Variants in MYO1D observed in about 807,000 individuals in gnomAD.
MYO1D encodes the protein unconventional myosin-Id.
A neutral mutation model predicts 122.0 loss-of-function variants in MYO1D; 83 were observed. The observed-to-expected ratio is 0.68, with a 90% confidence interval of 0.57 to 0.82. The LOEUF (loss-of-function observed/expected upper bound fraction) is 0.82, where lower values mean the gene tolerates loss of function less well. Ranked by LOEUF, MYO1D falls within the 40% of genes least tolerant of loss-of-function variation. The pLI is 0.00. For synonymous variants in MYO1D, 464 were observed against 446.9 expected (o/e 1.04, Z -0.48); for missense variants, 1,157 against 1,269.5 (o/e 0.91, Z 1.35).
intron 20 of MYO1D, among the ~76,000 whole-genome samples, chr17:32,611,886 A>C (rs1304958327): frequency 1.3e-5 from 2 of 152,222 alleles, no homozygotes; most frequent in African/African-American, 4.8e-5. Flanking sequence ...TCACAGGAGG[A>C]GATAAGTAAA....
intron 1 of MYO1D, among the ~76,000 whole-genome samples, chr17:32,826,937 T>G (rs1482367556): frequency 6.6e-6 from 1 of 152,198 alleles, no homozygotes; most frequent in East Asian, 1.9e-4. Context: ...CATGGGAATG[T>G]ATGTTAGGAA....
At chr17:32,713,028 T>C (rs1428565765) in intron 15 of MYO1D, among the ~76,000 whole-genome samples, 2 of 152,234 alleles carry the variant, frequency 1.3e-5, no homozygotes, top group African/African-American at 4.8e-5. Flanking sequence ...CACAGAGCTT[T>C]TTCCATCATG....
intron 14 of MYO1D, among the ~76,000 whole-genome samples, chr17:32,725,507 C>T (rs1475533312): frequency 4.1e-5 from 6 of 146,508 alleles, no homozygotes; most frequent in East Asian, 2.0e-4. Context: ...GGCAACAGAG[C>T]GAGACTCCAT....
intron 16 of MYO1D, among the ~76,000 whole-genome samples, chr17:32,665,163 C>T (rs1427210377): frequency 6.6e-6 from 1 of 152,176 alleles, no homozygotes; most frequent in African/African-American, 2.4e-5. Flanking sequence ...GGAGGCCAGC[C>T]CTGGCCTTCT....
intron 20 of MYO1D, among the ~76,000 whole-genome samples, chr17:32,636,612 T>G (rs567401803): frequency 1.8e-4 from 28 of 152,164 alleles, no homozygotes; most frequent in African/African-American, 6.7e-4. Context: ...CAGAGTTGAT[T>G]TGGGAGGTTC....
intron 1 of MYO1D, among the ~76,000 whole-genome samples, chr17:32,822,421 C>T (rs1453837313): frequency 1.3e-5 from 2 of 151,692 alleles, no homozygotes; most frequent in Non-Finnish European, 3.0e-5. Flanking sequence ...GCCGTCCGTC[C>T]GTTCGTCTTC....
intron 16 of MYO1D, among the ~76,000 whole-genome samples, chr17:32,699,860 C>A (rs1045811346): frequency 1.3e-5 from 2 of 152,114 alleles, no homozygotes; most frequent in East Asian, 1.9e-4. Context: ...ATAACATATA[C>A]CTTATTTCAC....
At chr17:32,579,729 A>T (rs922440749) in intron 21 of MYO1D, among the ~76,000 whole-genome samples, 1 of 152,204 alleles carries the variant, frequency 6.6e-6, no homozygotes, top group Non-Finnish European at 1.5e-5. Flanking sequence ...TGTATTTTCT[A>T]GAGTTGTATA....
At chr17:32,867,075 T>C (rs1567678412) in intron 1 of MYO1D, among the ~76,000 whole-genome samples, 1 of 152,196 alleles carries the variant, frequency 6.6e-6, no homozygotes. Flanking sequence ...CTTAAAAGAA[T>C]GGATTGTCTT....
intron 15 of MYO1D, among the ~76,000 whole-genome samples, chr17:32,720,373 C>T (rs1052288542): frequency 6.6e-6 from 1 of 152,106 alleles, no homozygotes; most frequent in Non-Finnish European, 1.5e-5. Context: ...TCTAGCAATG[C>T]TTCAAGGTAG....
intron 16 of MYO1D, among the ~76,000 whole-genome samples, chr17:32,687,222 A>ATG (rs2089028112): frequency 7.0e-6 from 1 of 142,518 alleles, no homozygotes; most frequent in Non-Finnish European, 1.5e-5. Context: ...TCTGAGACAG[A>ATG]GTCTCACTCT....
rs1048166970 is a variant in MYO1D, at chr17:32,767,708, G to T, written c.759C>A (p.Ala253=). 2 of 1,613,694 alleles carry T rather than the reference G, an allele frequency of 1.2e-6. No homozygotes were observed. Among genetic ancestry groups the T allele is most frequent in the Non-Finnish European group, 1.7e-6 (2 of 1,179,940 alleles). ...DAAEFRVVAD[A]MKVIGFKPEE... ...CAGGTTTGAAGCCAATGACTTTCATGGCATCAGCAACAACTCTGAATTCGG... is the reference window on the plus strand; with the variant it reads ...CAGGTTTGAAGCCAATGACTTTCATTGCATCAGCAACAACTCTGAATTCGG... Residue 253 remains alanine (A), a synonymous_variant, in exon 7 of 22, where the codon GCC becomes GCA. Coordinates refer to ENST00000318217, the MANE Select transcript of MYO1D (RefSeq NM_015194.3).
At chr17:32,733,632 G>T (rs8075227) in intron 14 of MYO1D, among the ~76,000 whole-genome samples, 4 of 152,002 alleles carry the variant, frequency 2.6e-5, no homozygotes, top group African/African-American at 9.7e-5. Context: ...ACCCTACTTT[G>T]GGCAGGCCCT....
At chr17:32,605,058 G>T (rs753024349) in intron 21 of MYO1D, 29 bp downstream of exon 21, 48 of 1,545,796 alleles carry the variant, frequency 3.1e-5, no homozygotes, top group Admixed American at 3.0e-4. Context: ...GATTTAAAAC[G>T]TGTCTTAGTT....
intron 21 of MYO1D, among the ~76,000 whole-genome samples, chr17:32,560,551 A>ATG (rs2087112179): frequency 2.5e-5 from 3 of 121,300 alleles, no homozygotes; most frequent in Non-Finnish European, 5.3e-5. Flanking sequence ...ATATATATAT[A>ATG]TATATATATA....
Position 32,780,719 on chromosome 17 carries a change from A to G in MYO1D, c.161T>C (p.Leu54Ser), listed in dbSNP as rs759282689. The change falls in exon 2 of 22, where the codon TTG (leucine) becomes TCG (serine). Residue 54 changes from leucine to serine, a missense_variant. By Grantham distance (145) the Leu-to-Ser change is moderately radical. Transcript: ENST00000318217. Reference protein sequence around the residue: ...EVVVSVNPYKLLNIYGRDTIE... With the variant: ...EVVVSVNPYKSLNIYGRDTIE... ...TGTGTCTCTTCCATAGATGTTCAAC[A>G]ACTTGTAAGGGTTCACAGAAACGAC... The G allele has an allele frequency of 1.4e-5, 22 of 1,614,162 alleles. No homozygotes were observed. In the Admixed American group the frequency reaches 1.5e-4, roughly 11 times the overall value.
intron 21 of MYO1D, among the ~76,000 whole-genome samples, chr17:32,571,200 T>C (rs9899599): frequency 0.02 from 2,980 of 152,070 alleles, 107 homozygotes; most frequent in African/African-American, 0.067. Flanking sequence ...GGATGCAGGG[T>C]AGCCAGGAGG....
At chr17:32,875,567 G>A (rs1357514166) in intron 1 of MYO1D, among the ~76,000 whole-genome samples, 1 of 152,160 alleles carries the variant, frequency 6.6e-6, no homozygotes, top group Non-Finnish European at 1.5e-5. Context: ...AATGGGTATT[G>A]GTTATAGCTG....
intron 21 of MYO1D, among the ~76,000 whole-genome samples, chr17:32,573,338 G>T (rs1333153257): frequency 6.6e-6 from 1 of 152,086 alleles, no homozygotes; most frequent in East Asian, 1.9e-4. Context: ...TCAGAGCCCC[G>T]TGTCTTCTTG....
Sources: gnomAD v4.1 joint callset for allele counts (sites outside exome capture counted in the v4.1 genomes callset) on GRCh38, gnomAD v4.1.1 for gene constraint, MANE v1.5 for transcripts, NCBI Gene and HGNC (gene_info 2026-07-23, HGNC 2026-07-21) for gene names.